The following WDFY4 variants were observed in gnomAD, a reference collection of about 807,000 sequenced individuals.
WDFY4 encodes the protein WDFY family member 4, also known as WD repeat- and FYVE domain-containing protein 4.
A neutral mutation model predicts 351.9 loss-of-function variants in WDFY4; 169 were observed. The ratio of observed to expected loss-of-function variants is 0.48; its 90% CI spans 0.42 to 0.55. The LOEUF (loss-of-function observed/expected upper bound fraction) is 0.55, where lower values mean the gene tolerates loss of function less well. Ranked by LOEUF, WDFY4 falls within the 20% of genes least tolerant of loss-of-function variation. The pLI is 0.00. For missense variants in WDFY4, 3,803 were observed against 3,935.6 expected, an observed-to-expected ratio of 0.97 and a Z score of 0.90; for synonymous variants, 1,622 against 1,574.6, an observed-to-expected ratio of 1.03 and a Z score of -0.71.
intron 58 of WDFY4, among the ~76,000 whole-genome samples, chr10:48,975,826 A>T (rs1419092559): frequency 6.6e-6 from 1 of 152,084 alleles, no homozygotes; most frequent in Non-Finnish European, 1.5e-5. Flanking sequence ...GGATGGATGG[A>T]TGGATAAATG....
At chr10:48,729,404 A>C in intron 7 of WDFY4, 28 bp from the exon 8 acceptor site, 1 of 1,549,148 alleles carries the variant, frequency 6.5e-7, no homozygotes, top group Non-Finnish European at 8.7e-7. Context: ...TAGGAAGTAC[A>C]GGGAGCTGGC....
intron 13 of WDFY4, among the ~76,000 whole-genome samples, chr10:48,762,778 C>T (rs1218220354): frequency 6.6e-6 from 1 of 152,236 alleles, no homozygotes; most frequent in Non-Finnish European, 1.5e-5. Flanking sequence ...TTTAGCAGGG[C>T]ACACAGTGGC....
Position 48,775,801 on chromosome 10 carries a change from G to A in WDFY4, c.2858G>A (p.Cys953Tyr), listed in dbSNP as rs865897764. The change falls in exon 15 of 62, where the codon TGC becomes TAC. Residue 953 changes from cysteine to tyrosine, a missense_variant. Physicochemically the swap from Cys to Tyr is radical, Grantham distance 194. Coordinates refer to ENST00000325239, the MANE Select transcript of WDFY4 (RefSeq NM_001394531.1). ...CACACACACAGAGGCAACCCTGGGT[G>A]CTCAGGTGAGGACAGTGGCAAGAAC... Reference protein sequence around the residue: ...SSHTHRGNPGCSGSQTAQGLA... With the variant: ...SSHTHRGNPGYSGSQTAQGLA... 1 of 1,551,632 alleles carries A rather than the reference G, an allele frequency of 6.4e-7. No individual in the cohort carries two copies. Among genetic ancestry groups the A allele is most frequent in the Non-Finnish European group, 8.7e-7 (1 of 1,146,884 alleles).
intron 13 of WDFY4, among the ~76,000 whole-genome samples, chr10:48,771,635 C>A (rs1318343632): frequency 6.6e-6 from 1 of 152,214 alleles, no homozygotes; most frequent in East Asian, 1.9e-4. Context: ...GTGTGAGAGG[C>A]TGCAGGGACC....
rs2068160915 is a variant in WDFY4 at position 48,830,736 on chromosome 10, G to T, written c.6377G>T (p.Trp2126Leu). Reference sequence around the variant, plus strand: ...ATCCAGAAGACAGTGCAGACTCTCTGGCAGCAGCTGGTGGCACAAAGGCAG... The same window carrying T: ...ATCCAGAAGACAGTGCAGACTCTCTTGCAGCAGCTGGTGGCACAAAGGCAG... ...HNIQKTVQTL[W>L]QQLVAQRQQT... Residue 2126 changes from tryptophan (W) to leucine (L), a missense_variant, in exon 38 of 62, where the codon TGG becomes TTG. Around this residue, in one of 3 missense-constraint regions of WDFY4, gnomAD observed 3,054 missense variants for 3,148.6 expected, o/e 0.97. Transcript: ENST00000325239. 1 of 1,551,536 alleles carries T rather than the reference G, an allele frequency of 6.4e-7. No homozygotes were observed. The highest frequency in any genetic ancestry group is 1.4e-5 in the African/African-American group (1 of 73,024).
At chr10:48,944,850 G>T (rs1840957181) in intron 49 of WDFY4, among the ~76,000 whole-genome samples, 1 of 152,042 alleles carries the variant, frequency 6.6e-6, no homozygotes, top group Admixed American at 6.5e-5. Flanking sequence ...AAAAAATCTG[G>T]ATTTCCAATA....
chr10:48,766,814 G>C (rs1565174149), intron 13 of WDFY4, among the ~76,000 whole-genome samples: 1 of 152,152 alleles, frequency 6.6e-6, no homozygotes, highest in Non-Finnish European at 1.5e-5. Flanking sequence ...CAACTACTCA[G>C]ATTTGGCCTG....
intron 11 of WDFY4, among the ~76,000 whole-genome samples, chr10:48,739,358 C>G (rs1213253434): frequency 1.3e-5 from 2 of 152,174 alleles, no homozygotes; most frequent in African/African-American, 2.4e-5. Flanking sequence ...TGAAATGTGT[C>G]AACCCCAGCC....
At chr10:48,962,757 C>T (rs1055132491) in intron 53 of WDFY4, among the ~76,000 whole-genome samples, 9 of 152,180 alleles carry the variant, frequency 5.9e-5, no homozygotes, top group African/African-American at 1.4e-4. Flanking sequence ...GTTGTAAACT[C>T]GGATCCAGGC....
chr10:48,768,051 G>A (rs568182903), intron 13 of WDFY4, among the ~76,000 whole-genome samples: 5 of 152,298 alleles, frequency 3.3e-5, no homozygotes, highest in African/African-American at 9.6e-5. Flanking sequence ...ATGGGTGTTA[G>A]GATACTGATT....
At chr10:48,938,644 T>A (rs1255535616) in intron 47 of WDFY4, among the ~76,000 whole-genome samples, 2 of 152,218 alleles carry the variant, frequency 1.3e-5, no homozygotes, top group Non-Finnish European at 2.9e-5. Context: ...AGGGCACTGA[T>A]GCTGTGCAGT....
At chr10:48,885,817 T>C (rs2070433732) in intron 43 of WDFY4, among the ~76,000 whole-genome samples, 1 of 152,126 alleles carries the variant, frequency 6.6e-6, no homozygotes, top group African/African-American at 2.4e-5. Context: ...TTCCTTTGAT[T>C]ATTAGTATGA....
At chr10:48,924,279 G>A (rs904473255) in intron 47 of WDFY4, among the ~76,000 whole-genome samples, 1 of 152,176 alleles carries the variant, frequency 6.6e-6, no homozygotes, top group African/African-American at 2.4e-5. Flanking sequence ...GTGTTGTGTG[G>A]CTCAGGGTCC....
At chr10:48,874,442 CT>C (rs796387237) in intron 41 of WDFY4, among the ~76,000 whole-genome samples, 11 of 152,272 alleles carry the variant, frequency 7.2e-5, no homozygotes, top group African/African-American at 2.6e-4. Context: ...TTTTTTTCTT[CT>C]GCATTCATCA....
At chr10:48,878,053 G>T (rs905246322) in intron 43 of WDFY4, 4 of 152,256 alleles carry the variant, frequency 2.6e-5, no homozygotes, top group South Asian at 2.1e-4. Flanking sequence ...ATAACATTCT[G>T]CTCAGGCTTA....
In WDFY4 at chr10:48,780,068, G is replaced by T. The variant is rs201884854; in HGVS notation, c.3525G>T (p.Arg1175Ser). ...TGGTTGTCACTAAGGAAATGAAAAG[G>T]CATTGTACAGTTTCCACCTGTCTGG... The part of the protein sequence containing the change: ...LAVVVTKEMK[R>S]HCTVSTCLDG... Residue 1175 changes from arginine (R) to serine (S), a missense_variant, in exon 19 of 62, where the codon AGG becomes AGT. By Grantham distance (110) the Arg-to-Ser change is moderately radical (BLOSUM62 -1). Around this residue, in one of 3 missense-constraint regions of WDFY4, gnomAD observed 3,054 missense variants for 3,148.6 expected, o/e 0.97. Coordinates refer to ENST00000325239, the MANE Select transcript of WDFY4 (RefSeq NM_001394531.1). 2.6e-6 allele frequency: 4 copies of T among 1,551,908 alleles called. No individual in the cohort carries two copies. Among genetic ancestry groups the T allele is most frequent in the East Asian group, 4.9e-5 (2 of 40,938 alleles).
At chr10:48,924,458 G>C (rs1839398204) in intron 47 of WDFY4, among the ~76,000 whole-genome samples, 1 of 152,156 alleles carries the variant, frequency 6.6e-6, no homozygotes, top group Non-Finnish European at 1.5e-5. Context: ...ATAGTTATAG[G>C]GAGAAAGATG....
intron 49 of WDFY4, among the ~76,000 whole-genome samples, chr10:48,944,384 A>G (rs1840938355): frequency 6.6e-6 from 1 of 152,198 alleles, no homozygotes; most frequent in African/African-American, 2.4e-5. Context: ...AAGGATGGGG[A>G]GTAAAACTCC....
intron 18 of WDFY4, 111 bp downstream of exon 18, chr10:48,778,943 C>T: frequency 8.1e-7 from 1 of 1,231,362 alleles, no homozygotes; most frequent in Non-Finnish European, 1.1e-6. Flanking sequence ...TCTGTTTCTC[C>T]TCATCCTTTG....
Sources: gnomAD v4.1 joint callset for allele counts (sites outside exome capture counted in the v4.1 genomes callset) on GRCh38, gnomAD v4.1.1 for gene constraint, gnomAD v4.1.1 regional missense constraint, MANE v1.5 for transcripts, NCBI Gene and HGNC (gene_info 2026-07-23, HGNC 2026-07-21) for gene names.